The following BTRC variants were observed in gnomAD, a reference collection of about 807,000 sequenced individuals.
BTRC encodes the protein F-box/WD repeat-containing protein 1A.
Under a neutral mutation model 85.5 loss-of-function variants are expected in BTRC, and 42 were observed. The ratio of observed to expected loss-of-function variants is 0.49; its 90% confidence interval spans 0.38 to 0.64. The LOEUF (loss-of-function observed/expected upper bound fraction) is 0.64. Among genes scored for constraint, BTRC ranks in the 30% least tolerant of loss-of-function variants. BTRC has a pLI of 0.00. For synonymous variants in BTRC, 255 were observed against 263.3 expected (o/e 0.97, Z 0.30); for missense variants, 594 against 743.5 (o/e 0.80, Z 2.34).
chr10:101,367,013 T>A (rs1237785693), intron 1 of BTRC, among the ~76,000 whole-genome samples: 2 of 78,008 alleles, frequency 2.6e-5, no homozygotes, highest in African/African-American at 4.6e-5. Context: ...TATTTATATA[T>A]ATATTTATAT....
chr10:101,522,248 G>A (rs1000688881), intron 5 of BTRC, among the ~76,000 whole-genome samples: 2 of 146,266 alleles, frequency 1.4e-5, no homozygotes, highest in Non-Finnish European at 3.0e-5. Flanking sequence ...CACCATGTTA[G>A]CCAGGATGGT....
chr10:101,401,834 T>A, intron 1 of BTRC, among the ~76,000 whole-genome samples: 1 of 128,904 alleles, frequency 7.8e-6, no homozygotes, highest in Admixed American at 8.6e-5. Flanking sequence ...CGAGACCTCA[T>A]CTCAAAAAAA....
chr10:101,377,185 CATA>C (rs1207469941), intron 1 of BTRC, among the ~76,000 whole-genome samples: 36 of 152,196 alleles, frequency 2.4e-4, no homozygotes, highest in African/African-American at 8.2e-4. Flanking sequence ...TTCCGTTCAG[CATA>C]ATGCCTTTGA....
intron 1 of BTRC, among the ~76,000 whole-genome samples, chr10:101,396,322 T>C (rs1370977575): frequency 6.6e-6 from 1 of 151,710 alleles, no homozygotes; most frequent in South Asian, 2.1e-4. Flanking sequence ...TTATAAATGC[T>C]CATTTTATAC....
At chr10:101,406,654 C>T (rs892829115) in intron 1 of BTRC, among the ~76,000 whole-genome samples, 1 of 150,840 alleles carries the variant, frequency 6.6e-6, no homozygotes, top group African/African-American at 2.4e-5. Context: ...CTGCCTCAGC[C>T]TCCCAAGTAG....
At chr10:101,366,950 ATATATATATT>A (rs1942447488) in intron 1 of BTRC, among the ~76,000 whole-genome samples, 6 of 40,596 alleles carry the variant, frequency 1.5e-4, no homozygotes, top group East Asian at 4.2e-4. Flanking sequence ...ATATATATTT[ATATATATATT>A]TATATAAATA....
chr10:101,523,069 T>G (rs553933059), intron 5 of BTRC, among the ~76,000 whole-genome samples: 1 of 152,174 alleles, frequency 6.6e-6, no homozygotes, highest in South Asian at 2.1e-4. Context: ...CTGGGTGTAG[T>G]AGCACACACC....
At position 101,479,419 on chromosome 10, in the gene BTRC, G is replaced by A. The variant is rs755998630; in HGVS notation, c.286G>A (p.Ala96Thr). The change falls in exon 4 of 15, where the codon GCA becomes ACA. Residue 96 changes from alanine (A) to threonine (T), a missense_variant. Ala to Thr is a moderately conservative substitution (Grantham distance 58). Coordinates refer to ENST00000370187, the MANE Select transcript of BTRC (RefSeq NM_033637.4). ...LCLNQETVCL[A>T]STAMKTENCV... ...CTTAAACCAAGAAACAGTATGTTTA[G>A]CAAGCACTGCTATGAAGACTGAGAA... The A allele has an allele frequency of 5.0e-6, 8 of 1,613,418 alleles. 1 individual carries two copies. In the South Asian group the frequency reaches 7.7e-5, roughly 16 times the overall value.
chr10:101,373,671 A>G (rs1011548496), intron 1 of BTRC, among the ~76,000 whole-genome samples: 5 of 152,166 alleles, frequency 3.3e-5, no homozygotes, highest in Admixed American at 3.3e-4. Flanking sequence ...TAATCCCAGC[A>G]CTTTGGGAGG....
At chr10:101,425,654 A>G (rs1284286859) in intron 1 of BTRC, among the ~76,000 whole-genome samples, 4 of 150,790 alleles carry the variant, frequency 2.7e-5, no homozygotes, top group Non-Finnish European at 5.9e-5. Context: ...ATTAAAAAAA[A>G]TGTTTTTTAG....
At chr10:101,549,085 TACTATATGATTATATTTATATG>T (rs1291734781) in intron 13 of BTRC, among the ~76,000 whole-genome samples, 3 of 150,270 alleles carry the variant, frequency 2.0e-5, no homozygotes, top group East Asian at 2.0e-4. Flanking sequence ...AAAGAATACA[TACTATATGATTATATTTATATG>T]AAATTCAGTA....
intron 1 of BTRC, among the ~76,000 whole-genome samples, chr10:101,370,602 T>A (rs1468124359): frequency 6.6e-6 from 1 of 151,906 alleles, no homozygotes; most frequent in Non-Finnish European, 1.5e-5. Context: ...ATCATACAGA[T>A]CCTTCCCTCC....
intron 7 of BTRC, 106 bp from the exon 8 acceptor site, chr10:101,532,189 T>C (rs1020884955): frequency 4.2e-6 from 5 of 1,196,214 alleles, no homozygotes; most frequent in Non-Finnish European, 5.7e-6. Context: ...AAGTTGTGTA[T>C]ATCCCATAGA....
At chr10:101,404,795 G>A (rs951145512) in intron 1 of BTRC, among the ~76,000 whole-genome samples, 2 of 152,022 alleles carry the variant, frequency 1.3e-5, no homozygotes, top group East Asian at 1.9e-4. Flanking sequence ...TCAGGAGATC[G>A]AGACCATCCT....
At chr10:101,458,283 A>G (rs951264586) in intron 2 of BTRC, among the ~76,000 whole-genome samples, 4 of 152,224 alleles carry the variant, frequency 2.6e-5, no homozygotes, top group African/African-American at 9.6e-5. Context: ...GTACGATATA[A>G]TTCCATTTAT....
rs970793865 is a variant in BTRC at position 101,437,525 on chromosome 10, T to C, written c.156+7073T>C. ...AACATTTAATATTCATTGTAGAAAATAGAAGTAGAAAGAAGGAAGGATTTT... is the reference window on the plus strand; with the variant it reads ...AACATTTAATATTCATTGTAGAAAACAGAAGTAGAAAGAAGGAAGGATTTT... On this transcript the variant is annotated intron_variant, in intron 2 of 14. Coordinates refer to ENST00000370187, the MANE Select transcript of BTRC (RefSeq NM_033637.4). Among the ~76,000 whole-genome samples the C allele has an allele frequency of 1.8e-4, 27 of 152,172 alleles. 1 individual carries two copies. The highest frequency in any genetic ancestry group is 9.7e-5 in the African/African-American group (4 of 41,436).
intron 2 of BTRC, among the ~76,000 whole-genome samples, chr10:101,437,586 T>C (rs1452939608): frequency 3.9e-5 from 6 of 152,256 alleles, no homozygotes; most frequent in African/African-American, 4.8e-5. Flanking sequence ...TCAGTGATAC[T>C]AGTAATTTCT....
intron 5 of BTRC, among the ~76,000 whole-genome samples, chr10:101,522,406 CTCCTTTTTT>C (rs2062128362): frequency 2.7e-5 from 1 of 37,428 alleles, no homozygotes; most frequent in Non-Finnish European, 6.3e-5. Context: ...GAAATAAAGA[CTCCTTTTTT>C]TTTTTTTTTT....
chr10:101,497,785 G>T (rs899924270), intron 4 of BTRC, among the ~76,000 whole-genome samples: 1 of 152,046 alleles, frequency 6.6e-6, no homozygotes, highest in Non-Finnish European at 1.5e-5. Context: ...ACTTTGGGAG[G>T]CCAACGCGGG....
Sources: allele counts gnomAD v4.1 joint callset (sites outside exome capture counted in the v4.1 genomes callset), GRCh38; gene constraint gnomAD v4.1.1; transcripts MANE v1.5; gene names NCBI Gene and HGNC (gene_info 2026-07-23, HGNC 2026-07-21).